TBC1D2B: variants seen among roughly 807,000 people sequenced by gnomAD.
The protein encoded by TBC1D2B is TBC1 domain family, member 2B.
A neutral mutation model predicts 100.8 loss-of-function variants in TBC1D2B; 64 were observed. The ratio of observed to expected loss-of-function variants is 0.64; its 90% CI spans 0.52 to 0.78. The LOEUF (loss-of-function observed/expected upper bound fraction) is 0.78, where lower values mean the gene tolerates loss of function less well. TBC1D2B is among the 30% of genes least tolerant of loss of function. The probability of loss-of-function intolerance (pLI) is 0.00; values close to 1 mark genes in which losing one functional copy is unlikely to be tolerated. For missense variants in TBC1D2B, 1,052 were observed against 1,218.4 expected (o/e 0.86, Z 2.03); for synonymous variants, 480 against 479.7 (o/e 1.00, Z -0.01).
intron 1 of TBC1D2B, among the ~76,000 whole-genome samples, chr15:78,061,862 C>T (rs1026742955): frequency 6.6e-6 from 1 of 152,004 alleles, no homozygotes; most frequent in African/African-American, 2.4e-5. Flanking sequence ...GTATAGATTT[C>T]CACCAAATTA....
At chr15:78,066,203 G>T (rs1315234699) in intron 1 of TBC1D2B, 1 of 391,200 alleles carries the variant, frequency 2.6e-6, no homozygotes, top group Non-Finnish European at 5.4e-6. Context: ...GGCCAATGGA[G>T]AATTGGGCCA....
intron 9 of TBC1D2B, among the ~76,000 whole-genome samples, chr15:78,010,237 C>T (rs2072187400): frequency 6.6e-6 from 1 of 152,184 alleles, no homozygotes; most frequent in South Asian, 2.1e-4. Flanking sequence ...CCATGTGTCT[C>T]ACTTGCTTTG....
At chr15:78,066,043 T>A (rs2073649816) in intron 1 of TBC1D2B, 1 of 470,908 alleles carries the variant, frequency 2.1e-6, no homozygotes, top group Non-Finnish European at 4.4e-6. Context: ...TTGGTGGTGG[T>A]GATCATTGCA....
intron 11 of TBC1D2B, 70 bp from the exon 12 acceptor site, chr15:78,001,810 G>A: frequency 6.6e-7 from 1 of 1,515,840 alleles, no homozygotes; most frequent in East Asian, 2.4e-5. Flanking sequence ...TGGACTCCAG[G>A]GGGGTGCTGG....
intron 2 of TBC1D2B, among the ~76,000 whole-genome samples, chr15:78,049,218 T>C (rs920421192): frequency 5.9e-5 from 9 of 152,288 alleles, no homozygotes; most frequent in East Asian, 5.8e-4. Context: ...CCAGTCCATA[T>C]GTCTGGTTAA....
chr15:78,020,939 CA>C (rs1295241837), intron 6 of TBC1D2B, among the ~76,000 whole-genome samples: 8 of 152,146 alleles, frequency 5.3e-5, no homozygotes, highest in Non-Finnish European at 1.0e-4. Flanking sequence ...GGATGGACAA[CA>C]CTGAAATCGC....
At chr15:78,029,349 C>T (rs2072750775) in intron 4 of TBC1D2B, among the ~76,000 whole-genome samples, 1 of 152,156 alleles carries the variant, frequency 6.6e-6, no homozygotes, top group Non-Finnish European at 1.5e-5. Flanking sequence ...TAAGCCACCA[C>T]GCCTGGCCAG....
chr15:78,042,338 A>T (rs1380183512), intron 3 of TBC1D2B, among the ~76,000 whole-genome samples: 1 of 152,170 alleles, frequency 6.6e-6, no homozygotes, highest in Non-Finnish European at 1.5e-5. Context: ...ATGTGTTCTT[A>T]TGATGAAAGG....
intron 3 of TBC1D2B, chr15:78,034,841 A>C (rs2141732685): frequency 1.8e-6 from 1 of 557,830 alleles, no homozygotes; most frequent in East Asian, 1.5e-4. Context: ...GCAAAACCCA[A>C]TTCTAGGACT....
chr15:78,001,630 G>C lies in TBC1D2B; in HGVS notation c.2685C>G (p.Ile895Met), dbSNP rs1019193934. 6.2e-7 allele frequency: 1 copy of C among 1,609,444 alleles called. No individual in the cohort carries two copies. The highest frequency in any genetic ancestry group is 8.5e-7 in the Non-Finnish European group (1 of 1,177,942). The change falls in exon 12 of 13, where the codon ATC (isoleucine) becomes ATG (methionine). Residue 895 changes from isoleucine to methionine, a missense_variant. Ile to Met is a conservative substitution (Grantham distance 10, BLOSUM62 1). Transcript: ENST00000300584. ...FKYLRYFTRT[I>M]LDARKLISIS... is the part of the protein sequence containing the mutation. The stretch of plus-strand genomic sequence containing the variant: ...TCCCCAGGACTCACCTAGCATCAAG[G>C]ATAGTGCGAGTGAAGTAGCGGAGAT...
chr15:78,001,528 A>G (rs1349662535), intron 12 of TBC1D2B, 91 bp downstream of exon 12: 1 of 1,438,508 alleles, frequency 7.0e-7, no homozygotes, highest in Non-Finnish European at 9.2e-7. Flanking sequence ...GATGGCTCTG[A>G]GTTGGAAGAC....
intron 9 of TBC1D2B, among the ~76,000 whole-genome samples, chr15:78,009,953 C>T (rs949769415): frequency 7.5e-5 from 10 of 134,112 alleles, no homozygotes; most frequent in Non-Finnish European, 1.5e-4. Flanking sequence ...CCGGCCTGGG[C>T]GAGAGAGCCA....
chr15:78,023,988 CAGA>C (rs2072584282), intron 6 of TBC1D2B, among the ~76,000 whole-genome samples, 165 bp downstream of exon 6: 1 of 152,088 alleles, frequency 6.6e-6, no homozygotes, highest in South Asian at 2.1e-4. Flanking sequence ...GGAAGCTCCA[CAGA>C]AGATTAATGA....
chr15:78,029,909 T>C (rs2072765449), intron 4 of TBC1D2B, 98 bp downstream of exon 4: 3 of 1,017,896 alleles, frequency 2.9e-6, no homozygotes, highest in South Asian at 2.5e-5. Context: ...TTGGTCCTTA[T>C]GCTTCTCGAA....
At position 78,024,478 on chromosome 15, in the gene TBC1D2B, C is replaced by T; in HGVS notation, c.1148G>A (p.Ser383Asn). ...TGGGACCCCCTCACAGAGCCGGCTG[C>T]TTGTGAAATACTTGTCATACTGGGA... ...RSSQYDKYFT[S>N]SRLCEGVPKD... Residue 383 changes from serine (S) to asparagine (N), a missense_variant, in exon 6 of 13, where the codon AGC becomes AAC. Ser to Asn is a conservative substitution (Grantham distance 46). This residue lies in a region of TBC1D2B where 627 missense variants were observed against 646.1 expected (regional missense o/e 0.97). Coordinates refer to ENST00000300584, the MANE Select transcript of TBC1D2B (RefSeq NM_144572.2). 2 of 1,613,998 alleles carry T rather than the reference C, an allele frequency of 1.2e-6. No individual in the cohort carries two copies. The highest frequency in any genetic ancestry group is 1.7e-6 in the Non-Finnish European group (2 of 1,179,898).
intron 3 of TBC1D2B, among the ~76,000 whole-genome samples, chr15:78,044,281 T>TA (rs1257408433): frequency 6.6e-6 from 1 of 152,158 alleles, no homozygotes; most frequent in Non-Finnish European, 1.5e-5. Flanking sequence ...GTGTGAATTG[T>TA]ATATCAATAA....
At chr15:78,003,565 C>A in intron 10 of TBC1D2B, 75 bp from the exon 11 acceptor site, 1 of 1,158,956 alleles carries the variant, frequency 8.6e-7, no homozygotes, top group Non-Finnish European at 1.3e-6. Flanking sequence ...AGACGCGCAA[C>A]CTGAGAGCCT....
At chr15:78,053,954 T>A in intron 2 of TBC1D2B, 80 bp downstream of exon 2, 1 of 1,398,188 alleles carries the variant, frequency 7.2e-7, no homozygotes, top group Non-Finnish European at 9.6e-7. Flanking sequence ...AAATTCATTT[T>A]CATTCACTGC....
chr15:78,047,756 T>C (rs1028559830), intron 2 of TBC1D2B, among the ~76,000 whole-genome samples: 1 of 152,088 alleles, frequency 6.6e-6, no homozygotes, highest in Non-Finnish European at 1.5e-5. Context: ...TATACAAATA[T>C]TGCAAGGCAG....
Sources: gnomAD v4.1 joint callset for allele counts (sites outside exome capture counted in the v4.1 genomes callset) on GRCh38, gnomAD v4.1.1 for gene constraint, gnomAD v4.1.1 regional missense constraint, MANE v1.5 for transcripts, NCBI Gene and HGNC (gene_info 2026-07-23, HGNC 2026-07-21) for gene names.